The following SNAP91 variants were observed in gnomAD, a reference collection of about 807,000 sequenced individuals.
SNAP91 encodes synaptosome associated protein 91.
SNAP91 carries 27 observed loss-of-function variants against 100.3 expected under a neutral mutation model. The observed-to-expected ratio is 0.27, with a 90% CI of 0.20 to 0.37. The LOEUF is 0.37. SNAP91 is among the 10% of genes least tolerant of loss of function. The pLI is 1.00. For missense variants in SNAP91, 986 were observed against 1,123.7 expected, an observed-to-expected ratio of 0.88 and a Z score of 1.75; for synonymous variants, 404 against 398.6, an observed-to-expected ratio of 1.01 and a Z score of -0.16.
chr6:83,676,118 A>G (rs1010062969), intron 2 of SNAP91, among the ~76,000 whole-genome samples: 1 of 152,062 alleles, frequency 6.6e-6, no homozygotes, highest in Non-Finnish European at 1.5e-5. Flanking sequence ...CTCAAAAAAA[A>G]AAAAAAAGAA....
At chr6:83,675,827 AACAC>A (rs373927158) in intron 2 of SNAP91, among the ~76,000 whole-genome samples, 73 of 138,274 alleles carry the variant, frequency 5.3e-4, no homozygotes, top group Admixed American at 1.2e-3. Flanking sequence ...CACTTGAAGG[AACAC>A]ACACACACAC....
At chr6:83,597,271 CAA>C (rs1156306326) in intron 16 of SNAP91, among the ~76,000 whole-genome samples, 2 of 152,164 alleles carry the variant, frequency 1.3e-5, no homozygotes, top group African/African-American at 4.8e-5. Context: ...ACTGCAGCCA[CAA>C]AAGAGACCTT....
intron 17 of SNAP91, 88 bp from the exon 18 acceptor site, chr6:83,593,829 T>A: frequency 6.7e-7 from 1 of 1,486,060 alleles, no homozygotes; most frequent in Non-Finnish European, 8.9e-7. Context: ...AGACACCTTA[T>A]ACAGATATTT....
At chr6:83,556,497 T>C (rs1779131343) in intron 28 of SNAP91, among the ~76,000 whole-genome samples, 2 of 152,202 alleles carry the variant, frequency 1.3e-5, no homozygotes, top group African/African-American at 4.8e-5. Flanking sequence ...CACAGAGTTG[T>C]GTTTAATTCT....
At chr6:83,690,490 T>C (rs2099116946) in intron 2 of SNAP91, 1 of 1,047,694 alleles carries the variant, frequency 9.5e-7, no homozygotes. Context: ...CTCAACTCTC[T>C]GCTAAAGCAA....
chr6:83,606,412 T>G (rs2095617903), intron 13 of SNAP91, among the ~76,000 whole-genome samples: 1 of 151,122 alleles, frequency 6.6e-6, no homozygotes, highest in South Asian at 2.1e-4. Flanking sequence ...AGGCTGTGCT[T>G]TTCAAAGCTT....
intron 16 of SNAP91, among the ~76,000 whole-genome samples, chr6:83,594,741 T>C (rs1222923088): frequency 6.6e-6 from 1 of 152,132 alleles, no homozygotes; most frequent in Non-Finnish European, 1.5e-5. Flanking sequence ...ATTCTCATTG[T>C]ATAAGGGCTC....
chr6:83,665,038 A>T (rs2128764362), intron 3 of SNAP91, among the ~76,000 whole-genome samples: 1 of 152,256 alleles, frequency 6.6e-6, no homozygotes, highest in East Asian at 1.9e-4. Context: ...AAGGATTTTT[A>T]AATTAAGATA....
intron 28 of SNAP91, 32 bp from the exon 29 acceptor site, chr6:83,556,277 G>T: frequency 9.9e-7 from 1 of 1,013,026 alleles, no homozygotes; most frequent in Non-Finnish European, 1.4e-6. Context: ...CAAAGAGCAG[G>T]AATAGAAAGC....
At chr6:83,555,039 T>C (rs931693398) in intron 29 of SNAP91, among the ~76,000 whole-genome samples, 2 of 152,174 alleles carry the variant, frequency 1.3e-5, no homozygotes, top group African/African-American at 4.8e-5. Flanking sequence ...ATTTACTAAG[T>C]AAGAGGTGAA....
rs1266267273 is a variant in SNAP91, at chr6:83,656,787, CA to C, written c.624del (p.Phe208LeufsTer18). The C allele has an allele frequency of 6.2e-7, 1 of 1,602,878 alleles. No homozygotes were observed. The highest frequency in any genetic ancestry group is 1.7e-5 in the Admixed American group (1 of 58,776). On this transcript the variant is annotated frameshift_variant, in exon 7 of 30. Transcript: ENST00000369694. LOFTEE classifies it high-confidence loss of function. ...TTAATAACACCATCATTGTAGCAAG[CA>C]AAAAGTTTGATAAGATCTTTGAAAA... Reference protein sequence around the residue: ...MLLFKDLIKLFACYNDGVINL... With the variant: ...MLLFKDLIKLXACYNDGVINL...
intron 26 of SNAP91, among the ~76,000 whole-genome samples, chr6:83,567,222 T>C (rs971214): frequency 0.9 from 136,816 of 152,220 alleles, 61,756 homozygotes; most frequent in East Asian, 1. Context: ...AGTTATCGCA[T>C]CCAGCTCAAC....
intron 8 of SNAP91, among the ~76,000 whole-genome samples, chr6:83,636,900 T>G (rs2097478766): frequency 6.6e-6 from 1 of 152,060 alleles, no homozygotes; most frequent in Non-Finnish European, 1.5e-5. Context: ...AGTTGATCGG[T>G]TTCGTTTCTG....
chr6:83,686,252 C>G, intron 2 of SNAP91: 5 of 930,938 alleles, frequency 5.4e-6, no homozygotes, highest in Non-Finnish European at 6.4e-6. Context: ...TAGATGAACC[C>G]TCACAGGTAA....
At chr6:83,704,874 AC>A (rs2099359014) in intron 2 of SNAP91, among the ~76,000 whole-genome samples, 6 of 152,196 alleles carry the variant, frequency 3.9e-5, no homozygotes, top group Admixed American at 3.9e-4. Flanking sequence ...AAACTAAAAC[AC>A]CAACTACTTG....
intron 2 of SNAP91, among the ~76,000 whole-genome samples, chr6:83,706,593 A>G (rs1274271708): frequency 6.6e-6 from 1 of 152,250 alleles, no homozygotes; most frequent in Non-Finnish European, 1.5e-5. Flanking sequence ...GTCCAGTTGT[A>G]AGCTTCATCA....
intron 2 of SNAP91, among the ~76,000 whole-genome samples, chr6:83,705,942 T>C (rs1247260195): frequency 6.6e-6 from 1 of 152,234 alleles, no homozygotes; most frequent in African/African-American, 2.4e-5. Context: ...TGACCATTCA[T>C]ATTAATAATT....
At chr6:83,615,486 C>G (rs1320000973) in intron 10 of SNAP91, among the ~76,000 whole-genome samples, 1 of 152,162 alleles carries the variant, frequency 6.6e-6, no homozygotes. Context: ...CCCAGATACC[C>G]TAATAGAGGG....
chr6:83,659,100 TAAA>T lies in SNAP91; in HGVS notation c.453-11_453-9del, dbSNP rs754636292. On this transcript the variant is annotated splice_polypyrimidine_tract_variant and intron_variant, in intron 5 of 29. Transcript: ENST00000369694. ...CTCATTACACCATCGGCCCTACAAT[TAAA>T]AAAAAAAAAAAGGTACAATTTCATT... is the stretch of plus-strand genomic sequence containing the variant. The T allele has an allele frequency of 9.5e-4, 1,353 of 1,416,956 alleles. No homozygotes were observed. The highest frequency in any genetic ancestry group is 1.2e-3 in the South Asian group (93 of 76,244). 87.8% of individuals were successfully genotyped at this position (1,416,956 alleles called of 1,614,324 possible).
Sources: gnomAD v4.1 joint callset for allele counts (sites outside exome capture counted in the v4.1 genomes callset) on GRCh38, gnomAD v4.1.1 for gene constraint, MANE v1.5 for transcripts, NCBI Gene and HGNC (gene_info 2026-07-23, HGNC 2026-07-21) for gene names.